PPM1L: variants seen among roughly 807,000 people sequenced by gnomAD.
PPM1L encodes the protein protein phosphatase 1L.
PPM1L carries 13 observed loss-of-function variants against 31.4 expected under a neutral mutation model. The ratio of observed to expected loss-of-function variants is 0.41; its 90% CI spans 0.27 to 0.66. The LOEUF (loss-of-function observed/expected upper bound fraction) is 0.66. PPM1L is among the 30% of genes least tolerant of loss of function. The pLI is 0.29. For missense variants in PPM1L, 326 were observed against 453.7 expected (o/e 0.72, Z 2.56); for synonymous variants, 184 against 175.4 (o/e 1.05, Z -0.39).
At chr3:160,944,074 T>TTCTCACTC (rs1715246581) in intron 1 of PPM1L, among the ~76,000 whole-genome samples, 1 of 151,866 alleles carries the variant, frequency 6.6e-6, no homozygotes, top group Non-Finnish European at 1.5e-5. Context: ...ACTATTTGGG[T>TTCTCACTC]ATAGGACATA....
intron 2 of PPM1L, among the ~76,000 whole-genome samples, chr3:160,965,723 C>G (rs951975025): frequency 6.6e-6 from 1 of 152,058 alleles, no homozygotes; most frequent in Non-Finnish European, 1.5e-5. Flanking sequence ...TCTTTCTATT[C>G]TATCTTAGTT....
chr3:161,023,553 T>C (rs1241822242), intron 2 of PPM1L, among the ~76,000 whole-genome samples: 1 of 152,232 alleles, frequency 6.6e-6, no homozygotes, highest in East Asian at 1.9e-4. Context: ...TTTCATTTAC[T>C]ACGCAAATAT....
chr3:161,069,813 T>C lies in PPM1L; in HGVS notation c.*656T>C, dbSNP rs1719853903. 1.3e-5 allele frequency: 2 copies of C among 152,604 alleles called. No individual in the cohort carries two copies. Among genetic ancestry groups the C allele is most frequent in the African/African-American group, 4.8e-5 (2 of 41,454 alleles). 9.5% of individuals were successfully genotyped at this position (152,604 alleles called of 1,614,324 possible). ...GATAACCCTCTTCCCTTGCTTCCTT[T>C]AATAGTTAAATAGACTTTGTATACC... is the stretch of plus-strand genomic sequence containing the variant. On this transcript the variant is annotated 3_prime_UTR_variant, in exon 4 of 4. Coordinates refer to ENST00000498165, the MANE Select transcript of PPM1L (RefSeq NM_139245.4).
chr3:160,795,671 G>A (rs546463254), intron 1 of PPM1L, among the ~76,000 whole-genome samples: 1 of 152,108 alleles, frequency 6.6e-6, no homozygotes, highest in Admixed American at 6.6e-5. Context: ...ACTTTATATG[G>A]CAAATTTATC....
At chr3:160,784,839 C>A (rs1711858273) in intron 1 of PPM1L, among the ~76,000 whole-genome samples, 1 of 152,064 alleles carries the variant, frequency 6.6e-6, no homozygotes, top group African/African-American at 2.4e-5. Flanking sequence ...CCAGATAAAC[C>A]TTATTTAAGG....
At position 160,786,692 on chromosome 3, in the gene PPM1L, C is replaced by T. The variant is rs191409813; in HGVS notation, c.399+29985C>T. ...GGTTGGTGTATGGATTATTCCATCA[C>T]CCAGGTAGTGAGCATAGTACCTAAT... On this transcript the variant is annotated intron_variant, in intron 1 of 3. Coordinates refer to ENST00000498165, the MANE Select transcript of PPM1L (RefSeq NM_139245.4). Among the ~76,000 whole-genome samples, 148 of 151,752 alleles carry T rather than the reference C, an allele frequency of 9.8e-4. 1 individual carries two copies. In the Middle Eastern group the frequency reaches 0.01, roughly 10 times the overall value.
intron 1 of PPM1L, among the ~76,000 whole-genome samples, chr3:160,960,556 TTTTGTG>T (rs1057045866): frequency 3.0e-5 from 3 of 100,146 alleles, no homozygotes; most frequent in African/African-American, 4.7e-5. Context: ...TTTTTAGCAG[TTTTGTG>T]TGTGTGTGTG....
intron 2 of PPM1L, among the ~76,000 whole-genome samples, chr3:160,970,226 A>G (rs1042599004): frequency 1.3e-5 from 2 of 152,078 alleles, no homozygotes; most frequent in African/African-American, 4.8e-5. Flanking sequence ...TCTGTTTCTT[A>G]TCTGTGAAAA....
chr3:160,888,532 A>G (rs1713015993), intron 1 of PPM1L, among the ~76,000 whole-genome samples: 1 of 152,208 alleles, frequency 6.6e-6, no homozygotes, highest in Non-Finnish European at 1.5e-5. Flanking sequence ...TTCATAAAAC[A>G]AGTTCTTAGA....
intron 1 of PPM1L, among the ~76,000 whole-genome samples, chr3:160,770,759 C>T (rs1200150629): frequency 6.6e-6 from 1 of 152,212 alleles, no homozygotes; most frequent in East Asian, 1.9e-4. Context: ...AAAGTGGGAG[C>T]TCTGGAGCCA....
At chr3:160,955,496 T>C (rs1715740181) in intron 1 of PPM1L, among the ~76,000 whole-genome samples, 1 of 152,140 alleles carries the variant, frequency 6.6e-6, no homozygotes, top group Non-Finnish European at 1.5e-5. Context: ...TGCATTACTT[T>C]GTAAAATGTG....
At chr3:161,034,165 A>G (rs1484880605) in intron 2 of PPM1L, among the ~76,000 whole-genome samples, 1 of 152,220 alleles carries the variant, frequency 6.6e-6, no homozygotes, top group African/African-American at 2.4e-5. Context: ...TGCCAGTTAG[A>G]ATGGTGATCA....
intron 1 of PPM1L, among the ~76,000 whole-genome samples, chr3:160,820,372 A>G (rs1331111553): frequency 6.6e-6 from 1 of 152,124 alleles, no homozygotes; most frequent in African/African-American, 2.4e-5. Context: ...CTGTAGATTA[A>G]TTAAAACATA....
chr3:161,000,962 T>C (rs1236308758), intron 2 of PPM1L, among the ~76,000 whole-genome samples: 1 of 152,214 alleles, frequency 6.6e-6, no homozygotes, highest in Non-Finnish European at 1.5e-5. Context: ...TCATTGAAGA[T>C]TTAATTTTAA....
At chr3:161,061,461 C>T (rs1469186738) in intron 2 of PPM1L, among the ~76,000 whole-genome samples, 1 of 152,134 alleles carries the variant, frequency 6.6e-6, no homozygotes, top group African/African-American at 2.4e-5. Context: ...GGCGGGTCAT[C>T]GATCTTAAGT....
At chr3:160,917,770 C>T (rs890442410) in intron 1 of PPM1L, among the ~76,000 whole-genome samples, 4 of 152,110 alleles carry the variant, frequency 2.6e-5, no homozygotes, top group African/African-American at 9.7e-5. Flanking sequence ...CCGTTTAGTA[C>T]ATGTATGGCA....
chr3:160,957,828 A>T (rs972620279), intron 1 of PPM1L, among the ~76,000 whole-genome samples: 2 of 152,008 alleles, frequency 1.3e-5, no homozygotes, highest in Non-Finnish European at 2.9e-5. Flanking sequence ...CGCCCGCCTC[A>T]GCCTCCTAAA....
Position 160,920,497 on chromosome 3 carries a change from G to A in PPM1L, c.400-41239G>A, listed in dbSNP as rs41532645. 5.1e-4 allele frequency among the ~76,000 whole-genome samples: 78 copies of A among 152,140 alleles called. 1 individual carries two copies. In the East Asian group the frequency reaches 0.012, roughly 23 times the overall value. ...CATAAGAAGGACTTGATTTTTAGGA[G>A]TGCGGTGTATGGTCTCCCATCTACC... On this transcript the variant is annotated intron_variant, in intron 1 of 3. Transcript: ENST00000498165.
chr3:161,000,428 GA>G (rs1402083700), intron 2 of PPM1L, among the ~76,000 whole-genome samples: 2 of 152,156 alleles, frequency 1.3e-5, no homozygotes, highest in African/African-American at 4.8e-5. Flanking sequence ...AGCAATTCAA[GA>G]GCATGCATAT....
Sources: gnomAD v4.1 joint callset for allele counts (sites outside exome capture counted in the v4.1 genomes callset) on GRCh38, gnomAD v4.1.1 for gene constraint, MANE v1.5 for transcripts, NCBI Gene and HGNC (gene_info 2026-07-23, HGNC 2026-07-21) for gene names.